The following NOP9 variants were observed in gnomAD, a reference collection of about 807,000 sequenced individuals.
The protein encoded by NOP9 is NOP9 nucleolar protein, also known as nucleolar protein 9.
NOP9 carries 50 observed loss-of-function variants against 63.0 expected under a neutral mutation model. That is an observed-to-expected ratio of 0.79 (90% CI 0.63 to 1.00). The LOEUF is 1.00. NOP9 is among the 50% of genes least tolerant of loss of function. The probability of loss-of-function intolerance (pLI) is 0.00; values close to 1 mark genes in which losing one functional copy is unlikely to be tolerated. For missense variants in NOP9, 758 were observed against 803.0 expected, an observed-to-expected ratio of 0.94 and a Z score of 0.68; for synonymous variants, 343 against 332.8, an observed-to-expected ratio of 1.03 and a Z score of -0.33.
the NOP9 span, chr14:24,291,017 G>T: frequency 6.2e-7 from 1 of 1,613,908 alleles, no homozygotes; most frequent in Non-Finnish European, 8.5e-7. Flanking sequence ...AGGAGGAGGA[G>T]GATTAGATTC....
At chr14:24,301,149 A>G (rs2041369827) in intron 2 of NOP9, among the ~76,000 whole-genome samples, 1 of 152,098 alleles carries the variant, frequency 6.6e-6, no homozygotes. Flanking sequence ...TAACATACAC[A>G]CTGGACTCAA....
chr14:24,291,857 G>A, the NOP9 span: 14 of 612,068 alleles, frequency 2.3e-5, no homozygotes, highest in Admixed American at 5.8e-5. Context: ...CTAAGTGGAA[G>A]GATCTGGTAG....
Position 24,303,794 on chromosome 14 carries a change from G to C in NOP9, c.1347G>C (p.Leu449Phe). 1 of 1,614,156 alleles carries C rather than the reference G, an allele frequency of 6.2e-7. No individual in the cohort carries two copies. The change falls in exon 7 of 10, where the codon TTG (leucine) becomes TTC (phenylalanine). Residue 449 changes from leucine to phenylalanine, a missense_variant. By Grantham distance (22) the Leu-to-Phe change is conservative. Transcript: ENST00000267425. ...QVACVPLFAT[L>F]MAYEVYYGLT... ...CCTGTGTGCCTCTCTTTGCCACTTTGATGGCTTATGAGGTGTACTATGGAC... is the reference window on the plus strand; with the variant it reads ...CCTGTGTGCCTCTCTTTGCCACTTTCATGGCTTATGAGGTGTACTATGGAC...
At position 24,307,619 on chromosome 14, in the gene NOP9, T is replaced by G; in HGVS notation, c.*2524T>G. 1 of 1,404,824 alleles carries G rather than the reference T, an allele frequency of 7.1e-7. No homozygotes were observed. Among genetic ancestry groups the G allele is most frequent in the Non-Finnish European group, 9.8e-7 (1 of 1,015,288 alleles). 87.0% of individuals were successfully genotyped at this position (1,404,824 alleles called of 1,614,324 possible). A position where few individuals can be genotyped will look rare whatever the true frequency, so the allele number is the denominator to read the frequency against. ...CTAGAGGGCTAGGGAGGGAGAGATCTAGGTTTATCGATTAGGGATGAGGGA... is the reference window on the plus strand; with the variant it reads ...CTAGAGGGCTAGGGAGGGAGAGATCGAGGTTTATCGATTAGGGATGAGGGA... On this transcript the variant is annotated 3_prime_UTR_variant, in exon 10 of 10. Transcript: ENST00000267425.
the NOP9 span, among the ~76,000 whole-genome samples, chr14:24,289,578 G>A: frequency 3.3e-5 from 5 of 152,228 alleles, no homozygotes; most frequent in Non-Finnish European, 2.9e-5. Context: ...GTGAGCAGGT[G>A]CTGAGGGAAT....
At chr14:24,290,993 G>A in the NOP9 span, 12 of 1,614,064 alleles carry the variant, frequency 7.4e-6, no homozygotes, top group Admixed American at 8.3e-5. Flanking sequence ...TGGACGGGGC[G>A]GCCTGGGAAC....
chr14:24,290,885 T>A, the NOP9 span: 1 of 1,613,612 alleles, frequency 6.2e-7, no homozygotes, highest in Non-Finnish European at 8.5e-7. Context: ...TAGAGGGCAA[T>A]AATCCACTTG....
chr14:24,292,921 G>GGA, the NOP9 span: 1 of 1,089,508 alleles, frequency 9.2e-7, no homozygotes. Flanking sequence ...AGCGACCTGA[G>GGA]GAATTAGGGG....
the NOP9 span, among the ~76,000 whole-genome samples, chr14:24,280,002 C>A: frequency 2.0e-5 from 3 of 152,258 alleles, no homozygotes; most frequent in South Asian, 4.1e-4. Flanking sequence ...AAAGAGGAAC[C>A]GCTCCTTTTG....
the NOP9 span, among the ~76,000 whole-genome samples, chr14:24,284,539 G>A: frequency 1.3e-5 from 2 of 152,002 alleles, no homozygotes; most frequent in African/African-American, 2.4e-5. Flanking sequence ...AGGGGAGTGC[G>A]CTTGGTGGGG....
the NOP9 span, among the ~76,000 whole-genome samples, chr14:24,276,041 G>T: frequency 1.3e-4 from 20 of 152,180 alleles, no homozygotes; most frequent in Non-Finnish European, 1.8e-4. Context: ...TTGAGGAACT[G>T]AATTTTTCAT....
the NOP9 span, among the ~76,000 whole-genome samples, chr14:24,276,050 A>AT: frequency 1.3e-5 from 2 of 151,652 alleles, no homozygotes; most frequent in African/African-American, 2.4e-5. Context: ...TGAATTTTTC[A>AT]TTTTTTTTCA....
upstream of NOP9, among the ~76,000 whole-genome samples, chr14:24,298,146 A>G (rs529778119): frequency 4.7e-4 from 72 of 152,288 alleles, no homozygotes; most frequent in African/African-American, 1.6e-3. Context: ...CCTGGGCTCA[A>G]ACGATCCTCC....
Position 24,300,206 on chromosome 14 carries a change from G to T in NOP9, c.247+5G>T. On this transcript the variant is annotated splice_donor_5th_base_variant and intron_variant, in intron 1 of 9. Coordinates refer to ENST00000267425, the MANE Select transcript of NOP9 (RefSeq NM_174913.3). ...CCGAGACTGGGGAAGAACGAGGTAG[G>T]CAGCAACTTCGGGGTTTAGACCAAG... 2 of 1,613,354 alleles carry T rather than the reference G, an allele frequency of 1.2e-6. No individual in the cohort carries two copies. Among genetic ancestry groups the T allele is most frequent in the Non-Finnish European group, 1.7e-6 (2 of 1,179,432 alleles).
chr14:24,292,539 G>A, the NOP9 span: 6 of 1,572,330 alleles, frequency 3.8e-6, no homozygotes, highest in South Asian at 3.4e-5. Context: ...AGGCAGAGGA[G>A]GAGCTGAGAG....
At chr14:24,299,108 ACT>A (rs908318108), upstream of NOP9, 10 of 1,610,784 alleles carry the variant, frequency 6.2e-6, no homozygotes, top group African/African-American at 1.3e-4. Flanking sequence ...AGCTGCCATG[ACT>A]CACAGGCAAA....
the NOP9 span, among the ~76,000 whole-genome samples, chr14:24,279,433 G>A: frequency 1.3e-5 from 2 of 152,222 alleles, no homozygotes; most frequent in African/African-American, 4.8e-5. Context: ...CCTGGCTGGG[G>A]AAGAAGACGA....
At chr14:24,298,050 T>TA (rs1418185327), upstream of NOP9, among the ~76,000 whole-genome samples, 1 of 152,118 alleles carries the variant, frequency 6.6e-6, no homozygotes, top group African/African-American at 2.4e-5. Context: ...CATTTTTAAT[T>TA]AAAATTTTTT....
the NOP9 span, chr14:24,291,390 G>C: frequency 9.6e-7 from 1 of 1,043,832 alleles, no homozygotes; most frequent in Non-Finnish European, 1.5e-6. Context: ...CTGCTCCTAA[G>C]GCTCTCAGAC....
Sources: allele counts gnomAD v4.1 joint callset (sites outside exome capture counted in the v4.1 genomes callset), GRCh38; gene constraint gnomAD v4.1.1; transcripts MANE v1.5; gene names NCBI Gene and HGNC (gene_info 2026-07-23, HGNC 2026-07-21).